The following TOMM70 variants were observed in gnomAD, a reference collection of about 807,000 sequenced individuals.
The protein encoded by TOMM70 is mitochondrial import receptor subunit TOM70.
In TOMM70, 13 loss-of-function variants were observed where a neutral mutation model predicts 73.6. That is an observed-to-expected ratio of 0.18 (90% CI 0.11 to 0.28). The LOEUF (loss-of-function observed/expected upper bound fraction) is 0.28. Ranked by LOEUF, TOMM70 falls within the 10% of genes least tolerant of loss-of-function variation. The pLI, the probability that TOMM70 is intolerant of heterozygous loss-of-function variation, is 1.00. For synonymous variants in TOMM70, 257 were observed against 271.2 expected, an observed-to-expected ratio of 0.95 and a Z score of 0.51; for missense variants, 609 against 747.5, an observed-to-expected ratio of 0.81 and a Z score of 2.16.
At chr3:100,388,103 T>A (rs187168864) in intron 1 of TOMM70, among the ~76,000 whole-genome samples, 1 of 152,194 alleles carries the variant, frequency 6.6e-6, no homozygotes, top group Non-Finnish European at 1.5e-5. Flanking sequence ...AATCTTCCAT[T>A]TGTCAGTAGA....
In TOMM70 at chr3:100,365,363, G is replaced by A. The variant is rs1706437547; in HGVS notation, c.*201C>T. 1.7e-6 allele frequency: 1 copy of A among 588,512 alleles called. No homozygotes were observed. The highest frequency in any genetic ancestry group is 2.8e-6 in the Non-Finnish European group (1 of 358,432). 36.5% of individuals were successfully genotyped at this position (588,512 alleles called of 1,614,324 possible). A position where few individuals can be genotyped will look rare whatever the true frequency, so the allele number is the denominator to read the frequency against. On this transcript the variant is annotated 3_prime_UTR_variant, in exon 12 of 12. Coordinates refer to ENST00000284320, the MANE Select transcript of TOMM70 (RefSeq NM_014820.5). ...ATGTTCTAATCTTTTGTTGCACAGG[G>A]AATAAAAGCTGCAAGACTGCAAACT...
chr3:100,371,714 G>A (rs542946962), intron 9 of TOMM70, among the ~76,000 whole-genome samples: 1 of 152,196 alleles, frequency 6.6e-6, no homozygotes, highest in Non-Finnish European at 1.5e-5. Flanking sequence ...TTGGCACCAC[G>A]GATTGGTTTT....
rs1403598854 is a variant in TOMM70 at position 100,363,889 on chromosome 3, A to G, written c.*1675T>C. On this transcript the variant is annotated 3_prime_UTR_variant, in exon 12 of 12. Coordinates refer to ENST00000284320, the MANE Select transcript of TOMM70 (RefSeq NM_014820.5). ...ATTAGTGACCTCCTCAATATTTTCC[A>G]AAGATTGACTTTGAAAGGGAGTCAT... 1.3e-5 allele frequency: 2 copies of G among 152,208 alleles called. No homozygotes were observed. The highest frequency in any genetic ancestry group is 4.8e-5 in the African/African-American group (2 of 41,450). The allele number at this position is 152,208 out of a possible 1,614,324, so 9.4% of individuals were successfully genotyped here.
At chr3:100,369,760 C>G (rs932481138) in intron 9 of TOMM70, among the ~76,000 whole-genome samples, 2 of 152,072 alleles carry the variant, frequency 1.3e-5, no homozygotes, top group African/African-American at 4.8e-5. Context: ...CTCGGCCTCC[C>G]AAAGTTCTAG....
At chr3:100,394,435 A>G (rs1055213460) in intron 1 of TOMM70, among the ~76,000 whole-genome samples, 1 of 151,504 alleles carries the variant, frequency 6.6e-6, no homozygotes, top group Non-Finnish European at 1.5e-5. Context: ...ACTGCAACCT[A>G]AATAACTCTG....
At chr3:100,389,568 T>A (rs530319735) in intron 1 of TOMM70, among the ~76,000 whole-genome samples, 12 of 152,146 alleles carry the variant, frequency 7.9e-5, no homozygotes, top group East Asian at 1.9e-4. Flanking sequence ...AATTTTTTTT[T>A]AAAAAAGGAA....
chr3:100,386,165 A>T, intron 3 of TOMM70, 53 bp downstream of exon 3: 2 of 1,558,590 alleles, frequency 1.3e-6, no homozygotes, highest in Non-Finnish European at 1.7e-6. Flanking sequence ...ACATTTACCA[A>T]TGACTACAAA....
intron 1 of TOMM70, among the ~76,000 whole-genome samples, chr3:100,389,982 G>A (rs1341899188): frequency 6.6e-6 from 1 of 151,828 alleles, no homozygotes; most frequent in Non-Finnish European, 1.5e-5. Context: ...GGAGGTTGCA[G>A]TGAGCCGAGA....
chr3:100,381,596 C>T lies in TOMM70; in HGVS notation c.884+19G>A, dbSNP rs146912584. The T allele has an allele frequency of 3.7e-3, 5,939 of 1,608,478 alleles. 52 individuals are homozygous for T. The highest frequency in any genetic ancestry group is 3.8e-3 in the Middle Eastern group (23 of 6,042). On this transcript the variant is annotated intron_variant, in intron 5 of 11. Coordinates refer to ENST00000284320, the MANE Select transcript of TOMM70 (RefSeq NM_014820.5). ...CACCCAAAACACCACTAAGTAGACA[C>T]TATGCTTGACATACTTACTTTTCTT...
chr3:100,399,184 A>G (rs980855758), intron 1 of TOMM70, among the ~76,000 whole-genome samples: 2 of 151,696 alleles, frequency 1.3e-5, no homozygotes, highest in Admixed American at 6.6e-5. Flanking sequence ...CCGGAGGCTG[A>G]GGCAGAACTG....
chr3:100,386,664 A>G (rs1450495199), intron 2 of TOMM70, 141 bp downstream of exon 2: 4 of 1,054,896 alleles, frequency 3.8e-6, no homozygotes, highest in Non-Finnish European at 5.4e-6. Context: ...AAGTTTTGCA[A>G]TTAATGGAAA....
intron 5 of TOMM70, among the ~76,000 whole-genome samples, chr3:100,379,745 T>C (rs979138627): frequency 4.6e-5 from 7 of 152,042 alleles, no homozygotes; most frequent in African/African-American, 1.7e-4. Flanking sequence ...GCCTCCCCAG[T>C]TGCTGAGACT....
intron 6 of TOMM70, among the ~76,000 whole-genome samples, chr3:100,375,798 T>C (rs767071330): frequency 9.5e-4 from 145 of 152,318 alleles, no homozygotes; most frequent in Admixed American, 5.9e-4. Context: ...GTTTCCAAAG[T>C]GCTGGGATTA....
chr3:100,372,958 G>GAT (rs1395674182), intron 8 of TOMM70, among the ~76,000 whole-genome samples: 7 of 151,726 alleles, frequency 4.6e-5, no homozygotes, highest in African/African-American at 7.3e-5. Context: ...TGTAGAAGAG[G>GAT]GCATACTAAT....
At chr3:100,369,249 G>A (rs1275612719) in intron 9 of TOMM70, 114 bp from the exon 10 acceptor site, 2 of 741,644 alleles carry the variant, frequency 2.7e-6, no homozygotes, top group Admixed American at 2.8e-5. Flanking sequence ...AAATTATCAC[G>A]TTTTGGGGAT....
At chr3:100,395,826 AT>A (rs1358279085) in intron 1 of TOMM70, among the ~76,000 whole-genome samples, 1 of 152,158 alleles carries the variant, frequency 6.6e-6, no homozygotes, top group Non-Finnish European at 1.5e-5. Context: ...GCCTTCACAG[AT>A]TCAAGAGCAT....
Position 100,400,638 on chromosome 3 carries a change from A to T in TOMM70, c.312T>A (p.Ala104=), listed in dbSNP as rs1168301398. 2 of 1,611,948 alleles carry T rather than the reference A, an allele frequency of 1.2e-6. No individual in the cohort carries two copies. Among genetic ancestry groups the T allele is most frequent in the Non-Finnish European group, 1.7e-6 (2 of 1,179,530 alleles). The change falls in exon 1 of 12, where the codon GCT becomes GCA. Residue 104 remains alanine (A), a synonymous_variant. Coordinates refer to ENST00000284320, the MANE Select transcript of TOMM70 (RefSeq NM_014820.5). ...GGCTGCTTCTCACCATGTCCAAGTG[A>T]GCACCGGGACCTTCAGGGTGTCCGC... ...PGSGHPEGPG[A]HLDMNSLDRA...
chr3:100,392,953 G>T (rs941795730), intron 1 of TOMM70, among the ~76,000 whole-genome samples: 4 of 151,824 alleles, frequency 2.6e-5, no homozygotes, highest in Non-Finnish European at 5.9e-5. Context: ...GAGGTGGGTG[G>T]GTCACCTGAG....
Position 100,380,112 on chromosome 3 carries a change from G to A in TOMM70, c.884+1503C>T, listed in dbSNP as rs904404902. Reference sequence around the variant, plus strand: ...TGTAATTCCAACACTTTGGAAGGCCGAGGTGGGTGGATCACCTGAGGTCGG... The same window carrying A: ...TGTAATTCCAACACTTTGGAAGGCCAAGGTGGGTGGATCACCTGAGGTCGG... On this transcript the variant is annotated intron_variant, in intron 5 of 11. Transcript: ENST00000284320. 4.6e-5 allele frequency among the ~76,000 whole-genome samples: 7 copies of A among 152,108 alleles called. No individual in the cohort carries two copies. In the South Asian group the frequency reaches 1.0e-3, roughly 23 times the overall value.
Sources: gnomAD v4.1 joint callset for allele counts (sites outside exome capture counted in the v4.1 genomes callset) on GRCh38, gnomAD v4.1.1 for gene constraint, MANE v1.5 for transcripts, NCBI Gene and HGNC (gene_info 2026-07-23, HGNC 2026-07-21) for gene names.